C1orf52: variants seen among roughly 807,000 people sequenced by gnomAD.
C1orf52 encodes UPF0690 protein C1orf52.
Under a neutral mutation model 17.2 loss-of-function variants are expected in C1orf52, and 5 were observed. That is an observed-to-expected ratio of 0.29 (90% confidence interval 0.15 to 0.61). C1orf52 has a LOEUF of 0.61. Ranked by LOEUF, C1orf52 falls within the 20% of genes least tolerant of loss-of-function variation. C1orf52 has a pLI of 0.85. For missense variants in C1orf52, 245 were observed against 234.1 expected (o/e 1.05, Z -0.30); for synonymous variants, 110 against 88.0 (o/e 1.25, Z -1.40).
In C1orf52 at chr1:85,259,610, A is replaced by C. The variant is rs749601140; in HGVS notation, c.24T>G (p.Pro8=). The C allele has an allele frequency of 1.0e-5, 16 of 1,574,292 alleles. No individual in the cohort carries two copies. In the South Asian group the frequency reaches 1.5e-4, roughly 15 times the overall value. Residue 8 remains proline, a synonymous_variant, in exon 1 of 3, where the codon CCT becomes CCG. Transcript: ENST00000471115. Reference sequence around the variant, plus strand: ...TCCCGTATGCCGCAAAATAGCTCAGAGGGTCCTTCTCCTCCGCTGCCATGA... The same window carrying C: ...TCCCGTATGCCGCAAAATAGCTCAGCGGGTCCTTCTCCTCCGCTGCCATGA... MAAEEKD[P]LSYFAAYGSS...
intron 1 of C1orf52, 122 bp downstream of exon 1, chr1:85,259,236 G>T: frequency 7.7e-7 from 1 of 1,302,590 alleles, no homozygotes; most frequent in Non-Finnish European, 1.1e-6. Flanking sequence ...GGAGGGGGTG[G>T]TGCGGCATCC....
At chr1:85,254,728 CTCTTT>C in intron 2 of C1orf52, among the ~76,000 whole-genome samples, 1 of 152,304 alleles carries the variant, frequency 6.6e-6, no homozygotes, top group Middle Eastern at 3.4e-3. Flanking sequence ...CACTAAGCTC[CTCTTT>C]TGAGATTTTC....
chr1:85,252,386 A>T lies in C1orf52; in HGVS notation c.*243T>A. On this transcript the variant is annotated 3_prime_UTR_variant, in exon 3 of 3. Coordinates refer to ENST00000471115, the MANE Select transcript of C1orf52 (RefSeq NM_198077.4). The stretch of plus-strand genomic sequence containing the variant: ...CAAAGCATGTCACCAATTCTGTGAG[A>T]GCAAGAATGCATCCAAGTGTTATCA... 1 of 433,540 alleles carries T rather than the reference A, an allele frequency of 2.3e-6. No individual in the cohort carries two copies. Among genetic ancestry groups the T allele is most frequent in the Non-Finnish European group, 4.1e-6 (1 of 244,850 alleles). 26.9% of individuals were successfully genotyped at this position (433,540 alleles called of 1,614,324 possible).
chr1:85,255,704 G>C (rs550448544), intron 2 of C1orf52, among the ~76,000 whole-genome samples: 3 of 152,264 alleles, frequency 2.0e-5, no homozygotes, highest in African/African-American at 7.2e-5. Flanking sequence ...AAAGTCACTT[G>C]CTAATCTAAA....
intron 1 of C1orf52, chr1:85,258,949 G>A (rs979394417): frequency 6.4e-6 from 9 of 1,399,040 alleles, no homozygotes; most frequent in Non-Finnish European, 8.3e-6. Flanking sequence ...GAAGAATCCA[G>A]TCTCAGAGAT....
chr1:85,255,837 T>C (rs549108239), intron 2 of C1orf52, among the ~76,000 whole-genome samples: 27 of 152,088 alleles, frequency 1.8e-4, no homozygotes, highest in Admixed American at 9.2e-4. Flanking sequence ...GGGTCTGTTA[T>C]TTGATTTTGC....
At chr1:85,259,321 C>A in intron 1 of C1orf52, 37 bp downstream of exon 1, 1 of 1,596,574 alleles carries the variant, frequency 6.3e-7, no homozygotes, top group Non-Finnish European at 8.6e-7. Context: ...GGGCGCAGGC[C>A]GGGGCCGAGA....
intron 2 of C1orf52, among the ~76,000 whole-genome samples, chr1:85,257,258 A>T (rs1659967146): frequency 6.6e-6 from 1 of 152,378 alleles, no homozygotes; most frequent in African/African-American, 2.4e-5. Context: ...CATACAAGTG[A>T]TGAGGGCAAT....
intron 1 of C1orf52, 142 bp downstream of exon 1, chr1:85,259,216 G>A: frequency 8.3e-7 from 1 of 1,211,678 alleles, no homozygotes; most frequent in Non-Finnish European, 1.1e-6. Flanking sequence ...GTTTCCCAGG[G>A]CTTGAGGTGG....
At chr1:85,258,800 C>A (rs1660014751) in intron 1 of C1orf52, 78 bp from the exon 2 acceptor site, 2 of 1,427,100 alleles carry the variant, frequency 1.4e-6, no homozygotes, top group Non-Finnish European at 1.9e-6. Flanking sequence ...CAACTCCCTG[C>A]CGTTCGCTTA....
intron 2 of C1orf52, 108 bp downstream of exon 2, chr1:85,258,411 CAAATT>C: frequency 9.7e-7 from 1 of 1,028,952 alleles, no homozygotes; most frequent in South Asian, 1.6e-5. Context: ...CAAAGACCAT[CAAATT>C]AGTTTGTCAA....
At chr1:85,256,690 T>G in intron 2 of C1orf52, among the ~76,000 whole-genome samples, 1 of 150,492 alleles carries the variant, frequency 6.6e-6, no homozygotes, top group East Asian at 2.0e-4. Flanking sequence ...TCCCAGCTGC[T>G]TGGGAGGCTG....
In C1orf52 at chr1:85,250,152, A is replaced by G. The variant is rs992949780; in HGVS notation, c.*2477T>C. 1.3e-5 allele frequency: 2 copies of G among 152,014 alleles called. No homozygotes were observed. Among genetic ancestry groups the G allele is most frequent in the Non-Finnish European group, 2.9e-5 (2 of 68,024 alleles). 9.4% of individuals were successfully genotyped at this position (152,014 alleles called of 1,614,324 possible). On this transcript the variant is annotated 3_prime_UTR_variant, in exon 3 of 3. Transcript: ENST00000471115. ...ACTCATTCACTATCATAAGAACAGC[A>G]CCGGAAAGACCCACCCCCATAATTC...
chr1:85,258,028 A>G (rs928798439), intron 2 of C1orf52, among the ~76,000 whole-genome samples: 1 of 152,064 alleles, frequency 6.6e-6, no homozygotes, highest in African/African-American at 2.4e-5. Context: ...CTGAGGCAGG[A>G]TAATCGCTTG....
At chr1:85,254,455 C>T (rs1431695191) in intron 2 of C1orf52, among the ~76,000 whole-genome samples, 2 of 151,720 alleles carry the variant, frequency 1.3e-5, no homozygotes, top group Non-Finnish European at 2.9e-5. Context: ...GCAGTGGCAC[C>T]ATCTCAGCTC....
intron 1 of C1orf52, chr1:85,258,956 AGATACTACGC>A: frequency 7.2e-7 from 1 of 1,390,562 alleles, no homozygotes; most frequent in Non-Finnish European, 9.3e-7. Flanking sequence ...CCAGTCTCAG[AGATACTACGC>A]CAAGGCTGAC....
At chr1:85,259,118 G>A in intron 1 of C1orf52, 1 of 1,319,520 alleles carries the variant, frequency 7.6e-7, no homozygotes, top group Non-Finnish European at 9.9e-7. Flanking sequence ...GCGGGGTCGG[G>A]GCACCGAGCG....
chr1:85,259,622 C>A lies in C1orf52; in HGVS notation c.12G>T (p.Glu4Asp). The change falls in exon 1 of 3, where the codon GAG becomes GAT. Residue 4 changes from glutamate to aspartate, a missense_variant. Coordinates refer to ENST00000471115, the MANE Select transcript of C1orf52 (RefSeq NM_198077.4). ...CAAAATAGCTCAGAGGGTCCTTCTCCTCCGCTGCCATGACGGCTGCGAGCG... is the reference window on the plus strand; with the variant it reads ...CAAAATAGCTCAGAGGGTCCTTCTCATCCGCTGCCATGACGGCTGCGAGCG... MAAEEKDPLSYFAA... is the reference protein window; with the variant it reads MAADEKDPLSYFAA... 4 of 1,559,488 alleles carry A rather than the reference C, an allele frequency of 2.6e-6. No homozygotes were observed. In the South Asian group the frequency reaches 4.7e-5, roughly 18 times the overall value.
chr1:85,257,460 G>A (rs771947683), intron 2 of C1orf52: 7 of 717,214 alleles, frequency 9.8e-6, no homozygotes, highest in African/African-American at 1.7e-5. Flanking sequence ...TGGATTTCAA[G>A]ATCTTCAAGT....
Sources: allele counts gnomAD v4.1 joint callset (sites outside exome capture counted in the v4.1 genomes callset), GRCh38; gene constraint gnomAD v4.1.1; transcripts MANE v1.5; gene names NCBI Gene and HGNC (gene_info 2026-07-23, HGNC 2026-07-21).